The following CCNK variants were observed in gnomAD, a reference collection of about 807,000 sequenced individuals.
The protein encoded by CCNK is cyclin K, also known as cyclin-K.
CCNK carries 9 observed loss-of-function variants against 65.0 expected under a neutral mutation model. That is an observed-to-expected ratio of 0.14 (90% CI 0.08 to 0.24). The LOEUF is 0.24. Among genes scored for constraint, CCNK ranks in the 10% least tolerant of loss-of-function variants. The pLI is 1.00. For missense variants in CCNK, 474 were observed against 720.0 expected (o/e 0.66, Z 3.91); for synonymous variants, 279 against 270.8 (o/e 1.03, Z -0.30).
At chr14:99,491,258 A>G (rs2139855762) in intron 1 of CCNK, among the ~76,000 whole-genome samples, 1 of 152,330 alleles carries the variant, frequency 6.6e-6, no homozygotes, top group South Asian at 2.1e-4. Flanking sequence ...GATTCCCAGC[A>G]GTGGGAATCC....
chr14:99,501,470 T>C lies in CCNK; in HGVS notation c.575+57T>C, dbSNP rs555687081. ...TATTTTAAAATAGGCAGAGACTTTA[T>C]GGACCATTTCATCTAAACCCCTCAT... On this transcript the variant is annotated intron_variant, in intron 6 of 10. Transcript: ENST00000389879. 553 of 1,166,540 alleles carry C rather than the reference T, an allele frequency of 4.7e-4. 6 individuals are homozygous for C. The South Asian group carries it at 6.5e-3, about 14-fold the overall frequency. 72.3% of individuals were successfully genotyped at this position (1,166,540 alleles called of 1,614,324 possible). A position where few individuals can be genotyped will look rare whatever the true frequency, so the allele number is the denominator to read the frequency against.
At chr14:99,503,199 G>T in intron 8 of CCNK, 2 of 702,098 alleles carry the variant, frequency 2.8e-6, no homozygotes, top group Non-Finnish European at 5.1e-6. Flanking sequence ...CTCTCTGCCC[G>T]GCTCCAGCCC....
chr14:99,482,787 G>GA (rs1450169680), intron 1 of CCNK, among the ~76,000 whole-genome samples: 2 of 152,182 alleles, frequency 1.3e-5, no homozygotes, highest in Admixed American at 1.3e-4. Flanking sequence ...ATGTCATAAA[G>GA]AAAAATTGGT....
chr14:99,502,526 C>A, intron 7 of CCNK, 150 bp downstream of exon 7: 2 of 1,335,538 alleles, frequency 1.5e-6, no homozygotes, highest in Non-Finnish European at 2.0e-6. Context: ...CTAATAGTTT[C>A]CACTTTGTCC....
At chr14:99,502,563 A>G (rs1896859653) in intron 7 of CCNK, 156 bp from the exon 8 acceptor site, 1 of 1,221,664 alleles carries the variant, frequency 8.2e-7, no homozygotes, top group East Asian at 2.5e-5. Context: ...TAAACTAAAA[A>G]TACACACCAG....
intron 6 of CCNK, chr14:99,501,658 AG>A: frequency 1.9e-6 from 1 of 514,498 alleles, no homozygotes; most frequent in Non-Finnish European, 3.4e-6. Flanking sequence ...CTGAAACATA[AG>A]TCCAAAACAA....
chr14:99,493,691 C>G, intron 3 of CCNK, 96 bp downstream of exon 3: 2 of 835,190 alleles, frequency 2.4e-6, no homozygotes, highest in Non-Finnish European at 3.7e-6. Context: ...CTCATATTTT[C>G]CAGAAAGTAT....
In CCNK at chr14:99,502,709, T is replaced by C. The variant is rs1278684513; in HGVS notation, c.746-10T>C. 1 of 1,609,492 alleles carries C rather than the reference T, an allele frequency of 6.2e-7. No homozygotes were observed. ...ATTTGTGTAAAATGTAATTGTTGGC[T>C]ATCATTTAGACATCTGCCACCAAAT... is the stretch of plus-strand genomic sequence containing the variant. On this transcript the variant is annotated splice_polypyrimidine_tract_variant and intron_variant, in intron 7 of 10. Transcript: ENST00000389879.
At chr14:99,502,613 T>G (rs1896861688) in intron 7 of CCNK, 106 bp from the exon 8 acceptor site, 2 of 1,252,734 alleles carry the variant, frequency 1.6e-6, no homozygotes, top group Non-Finnish European at 2.2e-6. Context: ...GTAAATGTGA[T>G]TCATGCTTAG....
At chr14:99,504,083 C>T in intron 9 of CCNK, 1 of 386,432 alleles carries the variant, frequency 2.6e-6, no homozygotes, top group Admixed American at 3.2e-5. Context: ...CAGGCAAGGC[C>T]TCTTTGAAAC....
At chr14:99,483,488 T>C (rs1012721949) in intron 1 of CCNK, among the ~76,000 whole-genome samples, 25 of 152,194 alleles carry the variant, frequency 1.6e-4, no homozygotes, top group African/African-American at 5.3e-4. Flanking sequence ...AGATCAAGGC[T>C]GCAGTGAGCC....
chr14:99,496,187 T>C (rs1000363308), intron 4 of CCNK, among the ~76,000 whole-genome samples: 1 of 152,232 alleles, frequency 6.6e-6, no homozygotes, highest in Admixed American at 6.5e-5. Flanking sequence ...TTGTTGTGTT[T>C]TTAAAATACC....
chr14:99,493,649 A>G (rs931204267), intron 3 of CCNK, 54 bp downstream of exon 3: 6 of 1,210,542 alleles, frequency 5.0e-6, no homozygotes, highest in Non-Finnish European at 7.2e-6. Flanking sequence ...ATTTCCACAC[A>G]GTTTGGTGGA....
At chr14:99,503,828 G>T in intron 9 of CCNK, 184 bp downstream of exon 9, 1 of 592,766 alleles carries the variant, frequency 1.7e-6, no homozygotes, top group Non-Finnish European at 3.0e-6. Flanking sequence ...CTAAAATTGT[G>T]CTCTTACGAA....
chr14:99,493,554 C>T lies in CCNK; in HGVS notation c.238C>T (p.Arg80Cys), dbSNP rs1330833967. 5 of 1,611,934 alleles carry T rather than the reference C, an allele frequency of 3.1e-6. No individual in the cohort carries two copies. The highest frequency in any genetic ancestry group is 4.2e-6 in the Non-Finnish European group (5 of 1,178,800). The change falls in exon 3 of 11, where the codon CGC (arginine) becomes TGC (cysteine). Residue 80 changes from arginine (R) to cysteine (C), a missense_variant. This residue lies in a region of CCNK where 87 missense variants were observed against 166.2 expected (regional missense o/e 0.52). Transcript: ENST00000389879. ...TLATGIIYFHRFYMFHSFKQF... is the reference protein window; with the variant it reads ...TLATGIIYFHCFYMFHSFKQF... ...GGCAACTGGAATAATTTATTTTCAT[C>T]GCTTCTATATGTTTCATTCCTTCAA... is the stretch of plus-strand genomic sequence containing the variant.
At chr14:99,503,863 G>T in intron 9 of CCNK, 1 of 553,210 alleles carries the variant, frequency 1.8e-6, no homozygotes, top group Non-Finnish European at 3.2e-6. Context: ...AAACATTACT[G>T]GCAATAAAAA....
At chr14:99,497,095 A>G (rs911248662) in intron 4 of CCNK, among the ~76,000 whole-genome samples, 6 of 151,078 alleles carry the variant, frequency 4.0e-5, no homozygotes, top group South Asian at 2.1e-4. Flanking sequence ...GCATTGACAC[A>G]TCACCCAGAG....
At chr14:99,497,463 A>T (rs1896726735) in intron 4 of CCNK, among the ~76,000 whole-genome samples, 1 of 152,234 alleles carries the variant, frequency 6.6e-6, no homozygotes, top group Non-Finnish European at 1.5e-5. Flanking sequence ...CAGCTGTAAG[A>T]TGCATGAAAG....
At chr14:99,484,642 G>A (rs1449192771) in intron 1 of CCNK, among the ~76,000 whole-genome samples, 3 of 152,204 alleles carry the variant, frequency 2.0e-5, no homozygotes, top group Non-Finnish European at 1.5e-5. Context: ...AGCAGATCTA[G>A]GGGATGAACA....
Sources: allele counts gnomAD v4.1 joint callset (sites outside exome capture counted in the v4.1 genomes callset), GRCh38; gene constraint gnomAD v4.1.1; regional missense constraint gnomAD v4.1.1; transcripts MANE v1.5; gene names NCBI Gene and HGNC (gene_info 2026-07-23, HGNC 2026-07-21).